The following KANK2 variants were observed in gnomAD, a reference collection of about 807,000 sequenced individuals.
KANK2 encodes KN motif and ankyrin repeat domains 2, also known as KN motif and ankyrin repeat domain-containing protein 2.
In KANK2, 41 loss-of-function variants were observed where a neutral mutation model predicts 74.6. That is an observed-to-expected ratio of 0.55 (90% CI 0.43 to 0.71). The LOEUF (loss-of-function observed/expected upper bound fraction) is 0.71, where lower values mean the gene tolerates loss of function less well. KANK2 is among the 30% of genes least tolerant of loss of function. The pLI, the probability that KANK2 is intolerant of heterozygous loss-of-function variation, is 0.00. For missense variants in KANK2, 1,148 were observed against 1,196.4 expected (o/e 0.96, Z 0.60); for synonymous variants, 537 against 519.0 (o/e 1.03, Z -0.47).
chr19:11,194,296 G>A (rs1365707548), intron 3 of KANK2, among the ~76,000 whole-genome samples, 179 bp downstream of exon 3: 16 of 151,750 alleles, frequency 1.1e-4, no homozygotes, highest in Admixed American at 9.8e-4. Flanking sequence ...CCCTTTTTCC[G>A]GTAAGACTCT....
chr19:11,187,934 G>C (rs1337304790), intron 4 of KANK2, among the ~76,000 whole-genome samples: 1 of 152,042 alleles, frequency 6.6e-6, no homozygotes, highest in Non-Finnish European at 1.5e-5. Context: ...AACATAGTGA[G>C]ACCTCATCTC....
At chr19:11,172,867 C>T in intron 10 of KANK2, 114 bp downstream of exon 10, 1 of 1,105,618 alleles carries the variant, frequency 9.0e-7, no homozygotes, top group Non-Finnish European at 1.3e-6. Flanking sequence ...GACAGCCTGG[C>T]CATGAAGAGC....
intron 10 of KANK2, among the ~76,000 whole-genome samples, chr19:11,171,055 C>T (rs2078159911): frequency 6.6e-6 from 1 of 152,120 alleles, no homozygotes; most frequent in African/African-American, 2.4e-5. Flanking sequence ...CTCTTCACCT[C>T]GTGATCCGCC....
chr19:11,168,301 G>A (rs2078080203), intron 12 of KANK2, among the ~76,000 whole-genome samples: 5 of 150,854 alleles, frequency 3.3e-5, no homozygotes, highest in Admixed American at 3.3e-4. Context: ...ACCACGCCTG[G>A]CCTCTTTCTT....
chr19:11,169,835 G>A, intron 12 of KANK2, 42 bp downstream of exon 12: 1 of 1,484,450 alleles, frequency 6.7e-7, no homozygotes, highest in South Asian at 1.1e-5. Flanking sequence ...TCCTTTCAGA[G>A]ACCCACCCAT....
rs185065423 is a variant in KANK2 at position 11,170,473 on chromosome 19, C to T, written c.2212-225G>A. The T allele has an allele frequency of 3.4e-5, 20 of 580,160 alleles. No individual in the cohort carries two copies. The highest frequency in any genetic ancestry group is 9.2e-5 in the Admixed American group (3 of 32,518). 35.9% of individuals were successfully genotyped at this position (580,160 alleles called of 1,614,324 possible). A position where few individuals can be genotyped will look rare whatever the true frequency, so the allele number is the denominator to read the frequency against. On this transcript the variant is annotated intron_variant, in intron 10 of 12. Coordinates refer to ENST00000586659, the MANE Select transcript of KANK2 (RefSeq NM_001136191.3). This position sits in a 1 kb window ranked among gnomAD's most constrained non-coding sequence, Gnocchi z 5.2. ...TGCCAGAGGCTGGGAGAAGCGGGGGCGGAGGAAATGATGGATACAGGTTTC... is the reference window on the plus strand; with the variant it reads ...TGCCAGAGGCTGGGAGAAGCGGGGGTGGAGGAAATGATGGATACAGGTTTC...
At chr19:11,189,300 C>G (rs1198832287) in intron 4 of KANK2, among the ~76,000 whole-genome samples, 1 of 151,992 alleles carries the variant, frequency 6.6e-6, no homozygotes, top group Non-Finnish European at 1.5e-5. Context: ...TGACACTGTG[C>G]CATCAGGACC....
chr19:11,167,686 C>T (rs917381599), intron 12 of KANK2, among the ~76,000 whole-genome samples: 3 of 151,952 alleles, frequency 2.0e-5, no homozygotes, highest in Non-Finnish European at 4.4e-5. Context: ...CACCACCACA[C>T]CCAGCTAATT....
intron 4 of KANK2, among the ~76,000 whole-genome samples, chr19:11,184,031 T>C (rs1252367290): frequency 3.3e-5 from 5 of 152,174 alleles, no homozygotes; most frequent in Admixed American, 3.3e-4. Flanking sequence ...TTAAAAATTC[T>C]TCCAAGCACA....
In KANK2 at chr19:11,166,754, G is replaced by A. The variant is rs558808530; in HGVS notation, c.2503-143C>T. ...GCCCCAAGGAGGTGGCGATCTGGGGGCACCGCCTTGAAGAAGCAAACTCAT... is the reference window on the plus strand; with the variant it reads ...GCCCCAAGGAGGTGGCGATCTGGGGACACCGCCTTGAAGAAGCAAACTCAT... On this transcript the variant is annotated intron_variant, in intron 12 of 12. Coordinates refer to ENST00000586659, the MANE Select transcript of KANK2 (RefSeq NM_001136191.3). 68 of 714,300 alleles carry A rather than the reference G, an allele frequency of 9.5e-5. 1 individual carries two copies. The South Asian group carries it at 1.0e-3, about 11-fold the overall frequency. The allele number at this position is 714,300 out of a possible 1,614,324, so 44.2% of individuals were successfully genotyped here.
At chr19:11,194,179 C>T (rs1045914184) in intron 3 of KANK2, 137 bp from the exon 4 acceptor site, 2 of 912,830 alleles carry the variant, frequency 2.2e-6, no homozygotes, top group Admixed American at 5.8e-5. Flanking sequence ...CGTCTGCTCT[C>T]AGACCCTCCA....
At chr19:11,183,776 G>A (rs1054033849) in intron 4 of KANK2, among the ~76,000 whole-genome samples, 2 of 151,834 alleles carry the variant, frequency 1.3e-5, no homozygotes, top group African/African-American at 4.8e-5. Flanking sequence ...TCAGCCTCCC[G>A]AGTAGCTGGG....
chr19:11,175,112 T>G (rs1004685604), intron 8 of KANK2, among the ~76,000 whole-genome samples: 5 of 151,802 alleles, frequency 3.3e-5, no homozygotes, highest in Admixed American at 3.3e-4. Flanking sequence ...CGTGCACCAC[T>G]ATGCCTAGCT....
chr19:11,190,284 C>T (rs1180515252), intron 4 of KANK2, among the ~76,000 whole-genome samples: 11 of 152,072 alleles, frequency 7.2e-5, no homozygotes, highest in East Asian at 1.9e-4. Flanking sequence ...TGTGCCAACA[C>T]GCCCAGCTAA....
At chr19:11,174,880 G>A (rs2078288607) in intron 8 of KANK2, among the ~76,000 whole-genome samples, 188 bp from the exon 9 acceptor site, 2 of 152,030 alleles carry the variant, frequency 1.3e-5, no homozygotes, top group Non-Finnish European at 1.5e-5. Context: ...GGAGTGAGGT[G>A]TGGACTTTGC....
chr19:11,175,011 G>A (rs1200708432), intron 8 of KANK2, among the ~76,000 whole-genome samples: 9 of 149,922 alleles, frequency 6.0e-5, no homozygotes, highest in Non-Finnish European at 8.9e-5. Context: ...AGGCTGGAGT[G>A]CAGTTACATG....
intron 12 of KANK2, among the ~76,000 whole-genome samples, chr19:11,169,076 G>A (rs574926281): frequency 7.9e-5 from 12 of 152,194 alleles, no homozygotes; most frequent in African/African-American, 2.4e-4. Flanking sequence ...AGTGGCTCAC[G>A]CCTGTAATCC....
At position 11,170,214 on chromosome 19, in the gene KANK2, T is replaced by C. The variant is rs1388331897; in HGVS notation, c.2246A>G (p.His749Arg). 6.2e-7 allele frequency: 1 copy of C among 1,610,728 alleles called. No individual in the cohort carries two copies. Among genetic ancestry groups the C allele is most frequent in the Non-Finnish European group, 8.5e-7 (1 of 1,180,016 alleles). The change falls in exon 11 of 13, where the codon CAC becomes CGC. Residue 749 changes from histidine (H) to arginine (R), a missense_variant. By Grantham distance (29) the His-to-Arg change is conservative. Coordinates refer to ENST00000586659, the MANE Select transcript of KANK2 (RefSeq NM_001136191.3). The surrounding 1 kb of genome is among the most constrained non-coding windows in gnomAD (Gnocchi z 5.2). ...GQTALMLAVS[H>R]GRVDVVKALL... Reference sequence around the variant, plus strand: ...GGCTTTGACAACGTCCACCCGCCCGTGGCTGACGGCCAGCATCAGGGCCGT... The same window carrying C: ...GGCTTTGACAACGTCCACCCGCCCGCGGCTGACGGCCAGCATCAGGGCCGT...
In KANK2 at chr19:11,170,290, C is replaced by T; in HGVS notation, c.2212-42G>A. 1 of 1,543,624 alleles carries T rather than the reference C, an allele frequency of 6.5e-7. No individual in the cohort carries two copies. On this transcript the variant is annotated intron_variant, in intron 10 of 12. Coordinates refer to ENST00000586659, the MANE Select transcript of KANK2 (RefSeq NM_001136191.3). The surrounding 1 kb of genome is among the most constrained non-coding windows in gnomAD (Gnocchi z 5.2). ...ACAGGATTATGGTTCATGCAGGCCC[C>T]AGGGCAGGACACCCCCTGGTCTAGA...
Sources: gnomAD v4.1 joint callset for allele counts (sites outside exome capture counted in the v4.1 genomes callset) on GRCh38, gnomAD v4.1.1 for gene constraint, Gnocchi (gnomAD v3.1) non-coding constraint, MANE v1.5 for transcripts, NCBI Gene and HGNC (gene_info 2026-07-23, HGNC 2026-07-21) for gene names.